Variants in TTC3 observed in about 807,000 individuals in gnomAD.
The protein encoded by TTC3 is tetratricopeptide repeat domain 3.
Under a neutral mutation model 249.6 loss-of-function variants are expected in TTC3, and 180 were observed. The ratio of observed to expected loss-of-function variants is 0.72; its 90% confidence interval spans 0.64 to 0.82. The LOEUF is 0.82. TTC3 is among the 40% of genes least tolerant of loss of function. The pLI is 0.00. For missense variants in TTC3, 2,061 were observed against 2,398.4 expected (o/e 0.86, Z 2.94); for synonymous variants, 717 against 805.0 (o/e 0.89, Z 1.85).
chr21:37,191,071 T>C (rs1235084799), intron 39 of TTC3, among the ~76,000 whole-genome samples: 1 of 152,178 alleles, frequency 6.6e-6, no homozygotes, highest in Non-Finnish European at 1.5e-5. Context: ...ACTTTCAAAT[T>C]TGGGAAAAGA....
intron 11 of TTC3, among the ~76,000 whole-genome samples, chr21:37,113,655 T>G (rs1322641356): frequency 6.6e-6 from 1 of 152,176 alleles, no homozygotes; most frequent in Non-Finnish European, 1.5e-5. Context: ...AAGCTACCAA[T>G]GACTTTCTTC....
At chr21:37,125,322 A>G (rs1457914183) in intron 14 of TTC3, among the ~76,000 whole-genome samples, 2 of 152,240 alleles carry the variant, frequency 1.3e-5, no homozygotes, top group Non-Finnish European at 2.9e-5. Context: ...CTTCTTTCTC[A>G]AAACCAAACA....
At chr21:37,156,954 A>G (rs750005644) in intron 28 of TTC3, 48 bp downstream of exon 28, 4 of 1,575,722 alleles carry the variant, frequency 2.5e-6, no homozygotes, top group Admixed American at 1.8e-5. Flanking sequence ...CTTAAGGGGG[A>G]AAAAATCTGT....
chr21:37,122,589 AT>A (rs1279720987), intron 12 of TTC3, among the ~76,000 whole-genome samples: 2 of 151,730 alleles, frequency 1.3e-5, no homozygotes, highest in African/African-American at 4.8e-5. Context: ...TTTTTAGTGT[AT>A]GAGTCTTTCC....
intron 10 of TTC3, among the ~76,000 whole-genome samples, chr21:37,101,592 A>G (rs1449124998): frequency 1.3e-5 from 2 of 152,296 alleles, no homozygotes; most frequent in Middle Eastern, 3.4e-3. Context: ...CCATCCTCTG[A>G]TTCATCTCTT....
chr21:37,127,700 T>TTGGG (rs2077144342), intron 15 of TTC3, among the ~76,000 whole-genome samples: 5 of 152,176 alleles, frequency 3.3e-5, no homozygotes, highest in Admixed American at 2.0e-4. Context: ...GTCTTGTTTG[T>TTGGG]TGGGTGGTTG....
chr21:37,076,289 G>T (rs2070848999), intron 1 of TTC3, among the ~76,000 whole-genome samples: 1 of 152,166 alleles, frequency 6.6e-6, no homozygotes, highest in Non-Finnish European at 1.5e-5. Context: ...TCACTGCTGT[G>T]TAATATTCCA....
exon 1 of TTC3, chr21:37,073,347 C>T (rs2070297282): frequency 2.6e-5 from 23 of 878,008 alleles, no homozygotes; most frequent in Non-Finnish European, 3.1e-5. Flanking sequence ...GTCCGAGGCT[C>T]GCGGGCGGCG....
intron 20 of TTC3, 80 bp downstream of exon 20, chr21:37,140,753 A>G (rs946360201): frequency 9.2e-6 from 9 of 979,886 alleles, no homozygotes; most frequent in African/African-American, 6.8e-5. Context: ...CATTTTCTAG[A>G]ATTATTTTGA....
chr21:37,158,349 C>A, intron 28 of TTC3: 1 of 365,856 alleles, frequency 2.7e-6, no homozygotes, highest in Non-Finnish European at 3.8e-6. Context: ...CACAGCACTT[C>A]CAGCTGCCAC....
chr21:37,164,121 G>A lies in TTC3; in HGVS notation c.3241G>A (p.Glu1081Lys), dbSNP rs755593414. 8.1e-6 allele frequency: 13 copies of A among 1,613,496 alleles called. No individual in the cohort carries two copies. In the African/African-American group the frequency reaches 1.2e-4, roughly 15 times the overall value. Reference sequence around the variant, plus strand: ...TCTTCGGCAAGATGTAGAAGAATTCGAAGCTCTCTATGACCAACACAGTAA... The same window carrying A: ...TCTTCGGCAAGATGTAGAAGAATTCAAAGCTCTCTATGACCAACACAGTAA... Residue 1081 changes from glutamate to lysine, a missense_variant, in exon 32 of 46, where the codon GAA (glutamate) becomes AAA (lysine). Physicochemically the swap from Glu to Lys is moderately conservative, Grantham distance 56. Transcript: ENST00000355666.
At chr21:37,150,507 A>G (rs73902783) in intron 24 of TTC3, among the ~76,000 whole-genome samples, 3,174 of 151,280 alleles carry the variant, frequency 0.021, 107 homozygotes, top group African/African-American at 0.073. Flanking sequence ...GAGCGTCTTG[A>G]GGGATTACCT....
intron 17 of TTC3, among the ~76,000 whole-genome samples, chr21:37,134,803 C>T (rs2077783777): frequency 6.6e-6 from 1 of 151,982 alleles, no homozygotes; most frequent in Non-Finnish European, 1.5e-5. Context: ...TTTTTTATTC[C>T]TTATGTTATT....
chr21:37,087,272 T>C (rs1281250390), exon 2 of TTC3: 3 of 1,614,052 alleles, frequency 1.9e-6, no homozygotes, highest in African/African-American at 1.3e-5. Flanking sequence ...ACAATTTTGC[T>C]GAGGGAGATT....
intron 29 of TTC3, among the ~76,000 whole-genome samples, chr21:37,160,494 A>G (rs2080602675): frequency 6.6e-6 from 1 of 152,194 alleles, no homozygotes; most frequent in Non-Finnish European, 1.5e-5. Context: ...TAAATTTACT[A>G]TTATGGCATC....
intron 1 of TTC3, among the ~76,000 whole-genome samples, chr21:37,077,688 G>A (rs1028711255): frequency 6.6e-6 from 1 of 152,166 alleles, no homozygotes; most frequent in African/African-American, 2.4e-5. Flanking sequence ...TTATTAATGA[G>A]ATTGAGCATC....
chr21:37,121,945 T>C (rs758189005), exon 12 of TTC3: 1 of 1,611,906 alleles, frequency 6.2e-7, no homozygotes, highest in Non-Finnish European at 8.5e-7. Flanking sequence ...TTCAGCAGCA[T>C]GTAAAGTTAC....
At chr21:37,084,766 G>A (rs562713686) in intron 1 of TTC3, among the ~76,000 whole-genome samples, 93 of 152,256 alleles carry the variant, frequency 6.1e-4, no homozygotes, top group African/African-American at 2.1e-3. Flanking sequence ...AGGCCGAGGC[G>A]GGCGGATCAC....
intron 35 of TTC3, 44 bp from the exon 36 acceptor site, chr21:37,182,730 A>G (rs922975531): frequency 1.3e-6 from 2 of 1,509,014 alleles, no homozygotes; most frequent in African/African-American, 2.8e-5. Context: ...TTTGTTAAAA[A>G]GTATATTTTG....
Sources: gnomAD v4.1 joint callset for allele counts (sites outside exome capture counted in the v4.1 genomes callset) on GRCh38, gnomAD v4.1.1 for gene constraint, MANE v1.5 for transcripts, NCBI Gene and HGNC (gene_info 2026-07-23, HGNC 2026-07-21) for gene names.